Variants in IQGAP2 observed in about 807,000 individuals in gnomAD.
IQGAP2 encodes IQ motif containing GTPase activating protein 2.
In IQGAP2, 173 loss-of-function variants were observed where a neutral mutation model predicts 201.3. The ratio of observed to expected loss-of-function variants is 0.86; its 90% CI spans 0.76 to 0.98. IQGAP2 has a LOEUF of 0.98. Among genes scored for constraint, IQGAP2 ranks in the 50% least tolerant of loss-of-function variants. The probability of loss-of-function intolerance (pLI) is 0.00; values close to 1 mark genes in which losing one functional copy is unlikely to be tolerated. For missense variants in IQGAP2, 1,687 were observed against 1,864.8 expected, an observed-to-expected ratio of 0.90 and a Z score of 1.76; for synonymous variants, 675 against 673.9, an observed-to-expected ratio of 1.00 and a Z score of -0.03.
At chr5:76,446,709 A>G (rs1490462743) in intron 1 of IQGAP2, among the ~76,000 whole-genome samples, 1 of 152,198 alleles carries the variant, frequency 6.6e-6, no homozygotes, top group Non-Finnish European at 1.5e-5. Flanking sequence ...TTTTTGGTTT[A>G]TGTACTGCAG....
intron 16 of IQGAP2, among the ~76,000 whole-genome samples, chr5:76,638,525 A>G (rs1048102990): frequency 9.9e-5 from 15 of 152,100 alleles, no homozygotes; most frequent in Non-Finnish European, 2.1e-4. Flanking sequence ...TTCCCTCCCA[A>G]ATATTCAGCA....
chr5:76,407,523 T>G (rs1187339997), intron 1 of IQGAP2, among the ~76,000 whole-genome samples: 1 of 152,188 alleles, frequency 6.6e-6, no homozygotes, highest in Non-Finnish European at 1.5e-5. Flanking sequence ...CATAGAAAGG[T>G]ATACGCAGCC....
chr5:76,409,740 G>T (rs897025832), intron 1 of IQGAP2, among the ~76,000 whole-genome samples: 52 of 148,578 alleles, frequency 3.5e-4, no homozygotes, highest in Non-Finnish European at 6.0e-5. Context: ...ATACCTTAAA[G>T]TCTGGGATTG....
chr5:76,496,779 TTCTTTCTTTCTTTC>T lies in IQGAP2; in HGVS notation c.146+35140_146+35153del, dbSNP rs1554061599. Reference sequence around the variant, plus strand: ...TTTCTTTCTTTCTTTCTTTCTTTCTTTCTTTCTTTCTTTCTCTTTCTTTCTTTCTCTTTCTTTCT... The same window carrying T: ...TTTCTTTCTTTCTTTCTTTCTTTCTTTCTTTCTTTCTTTCTCTTTCTTTCT... On this transcript the variant is annotated intron_variant, in intron 2 of 35. Transcript: ENST00000274364. 3.1e-4 allele frequency among the ~76,000 whole-genome samples: 30 copies of T among 97,564 alleles called. 1 individual carries two copies. Among genetic ancestry groups the T allele is most frequent in the Middle Eastern group, 4.6e-3 (1 of 216 alleles). 64.0% of individuals were successfully genotyped at this position (97,564 alleles called of 152,430 possible).
chr5:76,684,864 A>G (rs1203473771), intron 30 of IQGAP2, among the ~76,000 whole-genome samples: 35 of 152,084 alleles, frequency 2.3e-4, no homozygotes, highest in Non-Finnish European at 5.0e-4. Context: ...TAAACATTCA[A>G]TCATCTGTGA....
intron 1 of IQGAP2, among the ~76,000 whole-genome samples, chr5:76,426,685 C>A (rs1752017773): frequency 6.6e-6 from 1 of 152,152 alleles, no homozygotes; most frequent in African/African-American, 2.4e-5. Flanking sequence ...CCCTTTAATA[C>A]ACGAAGGGCG....
intron 2 of IQGAP2, among the ~76,000 whole-genome samples, chr5:76,508,037 G>C (rs1457426621): frequency 5.4e-5 from 7 of 130,166 alleles, no homozygotes; most frequent in African/African-American, 2.1e-4. Context: ...ATGGGCCAAA[G>C]ATATGAACAG....
In IQGAP2 at chr5:76,690,478, T is replaced by C. The variant is rs188469581; in HGVS notation, c.3906-2877T>C. On this transcript the variant is annotated intron_variant, in intron 30 of 35. Transcript: ENST00000274364. ...CAGGGATTGGATTGTTTTTCAAAGGTCTCTCTCCGGGCCACAGTCCTAAGA... is the reference window on the plus strand; with the variant it reads ...CAGGGATTGGATTGTTTTTCAAAGGCCTCTCTCCGGGCCACAGTCCTAAGA... 3.5e-3 allele frequency among the ~76,000 whole-genome samples: 527 copies of C among 152,242 alleles called. 6 individuals are homozygous for C. Among genetic ancestry groups the C allele is most frequent in the African/African-American group, 0.012 (494 of 41,560 alleles).
At chr5:76,591,646 C>T (rs981122586) in intron 8 of IQGAP2, among the ~76,000 whole-genome samples, 1 of 152,186 alleles carries the variant, frequency 6.6e-6, no homozygotes, top group African/African-American at 2.4e-5. Flanking sequence ...CTTGCTGCCA[C>T]AGTTCTCCTC....
chr5:76,666,951 G>C lies in IQGAP2; in HGVS notation c.2680-1730G>C, dbSNP rs377728330. ...TGTAGAGACAGGGTTTTTCCATGTT[G>C]CCCAGGCTGATCTCAAACACCTGAG... is the stretch of plus-strand genomic sequence containing the variant. On this transcript the variant is annotated intron_variant, in intron 22 of 35. Transcript: ENST00000274364. Among the ~76,000 whole-genome samples, 31 of 152,094 alleles carry C rather than the reference G, an allele frequency of 2.0e-4. No homozygotes were observed. In the East Asian group the frequency reaches 4.1e-3, roughly 20 times the overall value.
chr5:76,642,769 G>A (rs1751696954), intron 17 of IQGAP2, among the ~76,000 whole-genome samples: 1 of 152,178 alleles, frequency 6.6e-6, no homozygotes. Flanking sequence ...GAAATACAAA[G>A]GCAAAACTCC....
chr5:76,667,391 C>A (rs1429275371), intron 22 of IQGAP2, among the ~76,000 whole-genome samples: 3 of 152,112 alleles, frequency 2.0e-5, no homozygotes, highest in East Asian at 1.9e-4. Flanking sequence ...TAGATGAATA[C>A]CAGTTTTCAA....
intron 33 of IQGAP2, among the ~76,000 whole-genome samples, chr5:76,700,266 C>T (rs1362269671): frequency 6.6e-6 from 1 of 152,138 alleles, no homozygotes; most frequent in Admixed American, 6.6e-5. Context: ...CTTTGAGCCT[C>T]AGTTTTCTCA....
At chr5:76,596,655 C>A (rs1747053422) in intron 9 of IQGAP2, among the ~76,000 whole-genome samples, 1 of 152,098 alleles carries the variant, frequency 6.6e-6, no homozygotes, top group Non-Finnish European at 1.5e-5. Flanking sequence ...GATGGGGAAG[C>A]CAGGCACATC....
chr5:76,691,409 A>G (rs1349154400), intron 30 of IQGAP2: 2 of 152,240 alleles, frequency 1.3e-5, no homozygotes, highest in Non-Finnish European at 2.9e-5. Flanking sequence ...TGAGAATACT[A>G]TTTCAAACAA....
At chr5:76,623,090 G>T in intron 13 of IQGAP2, 2 of 1,377,858 alleles carry the variant, frequency 1.5e-6, no homozygotes, top group Non-Finnish European at 1.0e-6. Context: ...GAGATGCAAA[G>T]AAACCTAGGT....
chr5:76,678,376 C>T lies in IQGAP2; in HGVS notation c.3660+1026C>T, dbSNP rs111338176. Among the ~76,000 whole-genome samples, 968 of 150,406 alleles carry T rather than the reference C, an allele frequency of 6.4e-3. 11 individuals carry two copies. Among genetic ancestry groups the T allele is most frequent in the African/African-American group, 0.022 (885 of 40,820 alleles). On this transcript the variant is annotated intron_variant, in intron 28 of 35. Transcript: ENST00000274364. ...GGGTGCAGGGCACTGTGCTCAGTGG[C>T]ATGGGGAAGGAATTGGGAGGCTTTA...
intron 33 of IQGAP2, among the ~76,000 whole-genome samples, chr5:76,699,903 T>TTCTCTCTC (rs1186832045): frequency 1.4e-4 from 1 of 7,086 alleles, no homozygotes; most frequent in Non-Finnish European, 2.5e-4. Context: ...TTCTTTCTGT[T>TTCTCTCTC]TCTCTCTCTC....
chr5:76,652,874 C>G (rs751205842), intron 18 of IQGAP2, 41 bp downstream of exon 18: 10 of 1,240,900 alleles, frequency 8.1e-6, no homozygotes, highest in Non-Finnish European at 1.2e-5. Flanking sequence ...TTGGCTTAAA[C>G]GTTTCCCCTC....
Sources: allele counts gnomAD v4.1 joint callset (sites outside exome capture counted in the v4.1 genomes callset), GRCh38; gene constraint gnomAD v4.1.1; transcripts MANE v1.5; gene names NCBI Gene and HGNC (gene_info 2026-07-23, HGNC 2026-07-21).